Variants in THADA observed in about 807,000 individuals in gnomAD.
THADA encodes the protein tRNA (32-2'-O)-methyltransferase regulator THADA.
In THADA, 213 loss-of-function variants were observed where a neutral mutation model predicts 219.8. The ratio of observed to expected loss-of-function variants is 0.97; its 90% CI spans 0.87 to 1.09. The LOEUF (loss-of-function observed/expected upper bound fraction) is 1.09, where lower values mean the gene tolerates loss of function less well. Among genes scored for constraint, THADA ranks in the 50% least tolerant of loss-of-function variants. The pLI is 0.00. For missense variants in THADA, 2,956 were observed against 2,311.3 expected (o/e 1.28, Z -5.72); for synonymous variants, 1,018 against 828.9 (o/e 1.23, Z -3.92).
chr2:43,303,946 G>C (rs887308188), intron 31 of THADA, among the ~76,000 whole-genome samples: 1 of 152,172 alleles, frequency 6.6e-6, no homozygotes, highest in Non-Finnish European at 1.5e-5. Context: ...TGCTGATGCT[G>C]CTGGGGCAGG....
chr2:43,580,802 T>C (rs1260490936), intron 8 of THADA, among the ~76,000 whole-genome samples: 1 of 151,576 alleles, frequency 6.6e-6, no homozygotes, highest in South Asian at 2.1e-4. Flanking sequence ...ATCGCTTGAA[T>C]CTGGGAGGCA....
rs1005347186 is a variant in THADA at position 43,293,306 on chromosome 2, G to A, written c.4439-93C>T. The A allele has an allele frequency of 7.8e-6, 11 of 1,408,626 alleles. No individual in the cohort carries two copies. The African/African-American group carries it at 1.6e-4, about 20-fold the overall frequency. The allele number at this position is 1,408,626 out of a possible 1,614,324, so 87.3% of individuals were successfully genotyped here. A position where few individuals can be genotyped will look rare whatever the true frequency, so the allele number is the denominator to read the frequency against. ...AATGAAGACTGAATCCACTGCGTGA[G>A]GCCATCAGATGTCTCCCATAAGCAG... On this transcript the variant is annotated intron_variant, in intron 31 of 37. Transcript: ENST00000405975.
In THADA at chr2:43,372,826, G is replaced by A. The variant is rs1381793750; in HGVS notation, c.4227+25145C>T. 5.3e-5 allele frequency among the ~76,000 whole-genome samples: 8 copies of A among 152,112 alleles called. No homozygotes were observed. The East Asian group carries it at 5.8e-4, about 11-fold the overall frequency. On this transcript the variant is annotated intron_variant, in intron 29 of 37. Transcript: ENST00000405975. ...GTGCAGTGGCGCGGTCTCAATCTCC[G>A]CAGTAGCTGGGGTTACAGGTGTGCG...
intron 26 of THADA, among the ~76,000 whole-genome samples, chr2:43,457,426 T>G (rs955472545): frequency 1.3e-5 from 2 of 152,136 alleles, no homozygotes; most frequent in African/African-American, 4.8e-5. Flanking sequence ...TACAACAGAC[T>G]TACTAGTAGT....
chr2:43,293,467 CCCT>C (rs1166411934), intron 31 of THADA, among the ~76,000 whole-genome samples: 1 of 151,968 alleles, frequency 6.6e-6, no homozygotes, highest in Admixed American at 6.6e-5. Flanking sequence ...TTCCTGGCAC[CCCT>C]CCTCAACATT....
At chr2:43,538,999 T>G (rs1165017374) in intron 21 of THADA, among the ~76,000 whole-genome samples, 1 of 152,212 alleles carries the variant, frequency 6.6e-6, no homozygotes, top group Non-Finnish European at 1.5e-5. Flanking sequence ...TACATTCAAG[T>G]CATCAAATTT....
In THADA at chr2:43,279,754, G is replaced by T; in HGVS notation, c.5296+11C>A. 1 of 1,546,894 alleles carries T rather than the reference G, an allele frequency of 6.5e-7. No individual in the cohort carries two copies. Among genetic ancestry groups the T allele is most frequent in the Non-Finnish European group, 8.7e-7 (1 of 1,145,460 alleles). ...GCGATAAGACAATGCAAAAGGATAA[G>T]AACGAGGTACCTGTTGACTGGCAGG... On this transcript the variant is annotated intron_variant, in intron 36 of 37. Transcript: ENST00000405975.
intron 26 of THADA, among the ~76,000 whole-genome samples, chr2:43,452,992 A>G (rs1277543986): frequency 6.6e-6 from 1 of 152,154 alleles, no homozygotes; most frequent in East Asian, 1.9e-4. Flanking sequence ...GTTCTTATTC[A>G]GGCTAAATGC....
chr2:43,334,707 G>A lies in THADA; in HGVS notation c.4343+9415C>T, dbSNP rs532120448. On this transcript the variant is annotated intron_variant, in intron 30 of 37. Coordinates refer to ENST00000405975, the MANE Select transcript of THADA (RefSeq NM_022065.5). ...GGAGAATGGCGTGAACCTGGGAGGC[G>A]GAGCTTGCAGTGAGCCGAGATCGCG... Among the ~76,000 whole-genome samples, 846 of 152,000 alleles carry A rather than the reference G, an allele frequency of 5.6e-3. 5 individuals carry two copies. The highest frequency in any genetic ancestry group is 0.017 in the African/African-American group (722 of 41,468).
chr2:43,536,861 G>C (rs1245414886), intron 21 of THADA, among the ~76,000 whole-genome samples: 1 of 152,164 alleles, frequency 6.6e-6, no homozygotes, highest in Non-Finnish European at 1.5e-5. Flanking sequence ...ATTATTGTGA[G>C]AAATAAATAA....
At chr2:43,523,797 A>G (rs1008950777) in intron 22 of THADA, among the ~76,000 whole-genome samples, 5 of 152,208 alleles carry the variant, frequency 3.3e-5, no homozygotes, top group Non-Finnish European at 5.9e-5. Flanking sequence ...ATTACAAGTA[A>G]AGCAATTCGA....
At chr2:43,295,660 G>A (rs889951210) in intron 31 of THADA, among the ~76,000 whole-genome samples, 1 of 152,178 alleles carries the variant, frequency 6.6e-6, no homozygotes, top group African/African-American at 2.4e-5. Flanking sequence ...TTATAACTCA[G>A]AGAACTCTGC....
chr2:43,340,889 A>G (rs1666993083), intron 30 of THADA, among the ~76,000 whole-genome samples: 1 of 152,212 alleles, frequency 6.6e-6, no homozygotes, highest in African/African-American at 2.4e-5. Flanking sequence ...TAACTAGTAT[A>G]GACAGACAAC....
chr2:43,373,747 G>A (rs1208996656), intron 29 of THADA, among the ~76,000 whole-genome samples: 3 of 152,134 alleles, frequency 2.0e-5, no homozygotes, highest in Non-Finnish European at 4.4e-5. Flanking sequence ...CAAAGTGCTA[G>A]GATTACAGGC....
chr2:43,557,112 A>G (rs1697463205), intron 16 of THADA, among the ~76,000 whole-genome samples: 1 of 151,940 alleles, frequency 6.6e-6, no homozygotes, highest in African/African-American at 2.4e-5. Flanking sequence ...AAACAAAACA[A>G]AACAACACAG....
chr2:43,321,326 C>T (rs184198693), intron 30 of THADA, among the ~76,000 whole-genome samples: 1 of 152,290 alleles, frequency 6.6e-6, no homozygotes, highest in African/African-American at 2.4e-5. Context: ...CTGGCTTTCC[C>T]ACTTACAATC....
At chr2:43,307,513 C>G (rs1053986998) in intron 31 of THADA, among the ~76,000 whole-genome samples, 6 of 152,246 alleles carry the variant, frequency 3.9e-5, no homozygotes, top group African/African-American at 1.4e-4. Flanking sequence ...CTCATGTAGG[C>G]TCACAATAGT....
intron 28 of THADA, 50 bp from the exon 29 acceptor site, chr2:43,398,189 G>C: frequency 6.3e-7 from 1 of 1,578,086 alleles, no homozygotes; most frequent in Non-Finnish European, 8.7e-7. Context: ...CTCCACATCT[G>C]TGACTTTGTA....
intron 29 of THADA, among the ~76,000 whole-genome samples, chr2:43,384,115 T>C (rs1157350414): frequency 2.6e-5 from 4 of 152,130 alleles, no homozygotes; most frequent in Non-Finnish European, 5.9e-5. Flanking sequence ...AACTGAAAAT[T>C]ATGCACCTCT....
Sources: gnomAD v4.1 joint callset for allele counts (sites outside exome capture counted in the v4.1 genomes callset) on GRCh38, gnomAD v4.1.1 for gene constraint, MANE v1.5 for transcripts, NCBI Gene and HGNC (gene_info 2026-07-23, HGNC 2026-07-21) for gene names.